The following PBX3 variants were observed in gnomAD, a reference collection of about 807,000 sequenced individuals.
PBX3 encodes PBX homeobox 3.
Under a neutral mutation model 48.5 loss-of-function variants are expected in PBX3, and 14 were observed. That is an observed-to-expected ratio of 0.29 (90% CI 0.19 to 0.45). PBX3 has a LOEUF of 0.45. Ranked by LOEUF, PBX3 falls within the 20% of genes least tolerant of loss-of-function variation. The probability of loss-of-function intolerance (pLI) is 1.00; values close to 1 mark genes in which losing one functional copy is unlikely to be tolerated. For synonymous variants in PBX3, 210 were observed against 200.3 expected, an observed-to-expected ratio of 1.05 and a Z score of -0.41; for missense variants, 386 against 546.7, an observed-to-expected ratio of 0.71 and a Z score of 2.93.
At chr9:125,782,031 A>T (rs1837334720) in intron 2 of PBX3, among the ~76,000 whole-genome samples, 1 of 151,990 alleles carries the variant, frequency 6.6e-6, no homozygotes, top group Non-Finnish European at 1.5e-5. Context: ...GGTGATTATT[A>T]TGGGGATTAC....
intron 2 of PBX3, among the ~76,000 whole-genome samples, chr9:125,774,378 G>A (rs1381013445): frequency 6.6e-6 from 1 of 152,180 alleles, no homozygotes; most frequent in African/African-American, 2.4e-5. Context: ...TCCAAACCAT[G>A]TCACCTATTA....
At chr9:125,782,919 C>T (rs757607935) in intron 2 of PBX3, among the ~76,000 whole-genome samples, 1 of 151,970 alleles carries the variant, frequency 6.6e-6, no homozygotes, top group Non-Finnish European at 1.5e-5. Flanking sequence ...TAAGAATTTC[C>T]CTGTTAATCC....
intron 2 of PBX3, among the ~76,000 whole-genome samples, chr9:125,865,942 C>T (rs1261891859): frequency 2.6e-5 from 4 of 151,398 alleles, no homozygotes; most frequent in Non-Finnish European, 5.9e-5. Context: ...TGCTTGCGTG[C>T]CTTCCCTGTT....
chr9:125,949,443 A>G, intron 5 of PBX3: 17 of 1,550,676 alleles, frequency 1.1e-5, no homozygotes, highest in Non-Finnish European at 1.4e-5. Flanking sequence ...CTAGCGTGGT[A>G]AGTATTCACA....
At chr9:125,747,842 A>T (rs1446082121) in intron 1 of PBX3, among the ~76,000 whole-genome samples, 189 bp downstream of exon 1, 1 of 151,182 alleles carries the variant, frequency 6.6e-6, no homozygotes, top group African/African-American at 2.4e-5. Flanking sequence ...GGAGTCGGCA[A>T]AGTTGCTCTG....
chr9:125,767,974 G>T (rs1276567996), intron 2 of PBX3, among the ~76,000 whole-genome samples: 1 of 150,766 alleles, frequency 6.6e-6, no homozygotes, highest in African/African-American at 2.5e-5. Flanking sequence ...CGGCCGGTGG[G>T]ACGGGGAGAG....
chr9:125,892,212 C>G (rs573581846), intron 2 of PBX3, among the ~76,000 whole-genome samples: 8 of 152,232 alleles, frequency 5.3e-5, no homozygotes, highest in African/African-American at 1.9e-4. Context: ...CATGAGCCAC[C>G]ACTCCTGGCC....
intron 2 of PBX3, among the ~76,000 whole-genome samples, chr9:125,911,613 T>G (rs752301849): frequency 3.9e-5 from 6 of 152,198 alleles, no homozygotes; most frequent in Admixed American, 6.5e-5. Flanking sequence ...CATGGCACTC[T>G]GCTAAAACAT....
intron 1 of PBX3, among the ~76,000 whole-genome samples, chr9:125,747,926 G>A (rs2131935182): frequency 6.6e-6 from 1 of 151,766 alleles, no homozygotes; most frequent in African/African-American, 2.4e-5. Context: ...TCGCAGCCCG[G>A]CCCCCTCCCA....
chr9:125,921,499 A>G (rs1841456634), intron 3 of PBX3, among the ~76,000 whole-genome samples: 2 of 152,186 alleles, frequency 1.3e-5, no homozygotes, highest in Non-Finnish European at 1.5e-5. Context: ...TTTACTGAGT[A>G]TTAATTATGC....
intron 2 of PBX3, among the ~76,000 whole-genome samples, chr9:125,785,393 T>C (rs1837432014): frequency 6.6e-6 from 1 of 152,202 alleles, no homozygotes; most frequent in African/African-American, 2.4e-5. Context: ...GTAACCTGGC[T>C]TGCTAAATCT....
rs374696590 is a variant in PBX3, at chr9:125,965,960, A to G, written c.*37A>G. ...ACTTTTCCCTGAGCTACATGCCTTG[A>G]TAAGTGCATTCAGAGCAATAGGAGG... On this transcript the variant is annotated 3_prime_UTR_variant, in exon 9 of 9. Transcript: ENST00000373489. 6.8e-7 allele frequency: 1 copy of G among 1,480,806 alleles called. No homozygotes were observed. Among genetic ancestry groups the G allele is most frequent in the Non-Finnish European group, 9.4e-7 (1 of 1,058,920 alleles). 91.7% of individuals were successfully genotyped at this position (1,480,806 alleles called of 1,614,324 possible).
chr9:125,869,327 T>C (rs569767565), intron 2 of PBX3, among the ~76,000 whole-genome samples: 1 of 152,214 alleles, frequency 6.6e-6, no homozygotes, highest in Admixed American at 6.5e-5. Flanking sequence ...AAATAAAGAA[T>C]TAAAAAATTG....
At chr9:125,885,025 GA>G (rs915126378) in intron 2 of PBX3, among the ~76,000 whole-genome samples, 2 of 152,106 alleles carry the variant, frequency 1.3e-5, no homozygotes, top group African/African-American at 4.8e-5. Flanking sequence ...GGCACAACAA[GA>G]AGTTGGGCAC....
intron 2 of PBX3, among the ~76,000 whole-genome samples, chr9:125,761,913 T>A (rs1461957795): frequency 2.0e-5 from 3 of 152,176 alleles, no homozygotes; most frequent in Non-Finnish European, 4.4e-5. Flanking sequence ...ATTTCATTAG[T>A]TGCAGAGTTT....
chr9:125,886,825 A>T (rs923786733), intron 2 of PBX3, among the ~76,000 whole-genome samples: 16 of 152,080 alleles, frequency 1.1e-4, no homozygotes, highest in African/African-American at 2.4e-4. Context: ...TTTCTGAAAA[A>T]TTTTTTTATT....
At chr9:125,878,486 G>T (rs1340326950) in intron 2 of PBX3, among the ~76,000 whole-genome samples, 1 of 152,306 alleles carries the variant, frequency 6.6e-6, no homozygotes, top group East Asian at 1.9e-4. Flanking sequence ...GTAACCAAAA[G>T]AAAGGCCTAG....
chr9:125,799,517 A>G (rs1196512051), intron 2 of PBX3, among the ~76,000 whole-genome samples: 2 of 152,232 alleles, frequency 1.3e-5, no homozygotes, highest in Non-Finnish European at 2.9e-5. Context: ...AAACAAACAG[A>G]CAAAACAAAC....
At chr9:125,893,042 A>G (rs909313047) in intron 2 of PBX3, among the ~76,000 whole-genome samples, 2 of 152,154 alleles carry the variant, frequency 1.3e-5, no homozygotes, top group African/African-American at 4.8e-5. Context: ...ACTCCATACT[A>G]TTTCTTTGTA....
Sources: allele counts gnomAD v4.1 joint callset (sites outside exome capture counted in the v4.1 genomes callset), GRCh38; gene constraint gnomAD v4.1.1; transcripts MANE v1.5; gene names NCBI Gene and HGNC (gene_info 2026-07-23, HGNC 2026-07-21).